Variants in MAP3K1 observed in about 807,000 individuals in gnomAD.
MAP3K1 encodes mitogen-activated protein kinase kinase kinase 1, also known as MAP/ERK kinase kinase 1.
A neutral mutation model predicts 144.2 loss-of-function variants in MAP3K1; 36 were observed. The ratio of observed to expected loss-of-function variants is 0.25; its 90% CI spans 0.19 to 0.33. The LOEUF (loss-of-function observed/expected upper bound fraction) is 0.33. Ranked by LOEUF, MAP3K1 falls within the 10% of genes least tolerant of loss-of-function variation. The pLI, the probability that MAP3K1 is intolerant of heterozygous loss-of-function variation, is 1.00. For missense variants in MAP3K1, 1,650 were observed against 1,881.9 expected (o/e 0.88, Z 2.28); for synonymous variants, 718 against 688.7 (o/e 1.04, Z -0.67).
rs832567 is a variant in MAP3K1 at position 56,856,589 on chromosome 5, C to A, written c.483-11C>A. The stretch of plus-strand genomic sequence containing the variant: ...CATTTCTCATTTTATTTGTTTCTGC[C>A]TGCATTTTAGTCGTGAGATGGAGAA... On this transcript the variant is annotated splice_polypyrimidine_tract_variant and intron_variant, in intron 1 of 19. Transcript: ENST00000399503. The A allele has an allele frequency of 0.68, 1,088,850 of 1,601,226 alleles. 380,144 individuals are homozygous for A. Among genetic ancestry groups the A allele is most frequent in the Non-Finnish European group, 0.72 (843,662 of 1,168,644 alleles).
intron 1 of MAP3K1, among the ~76,000 whole-genome samples, chr5:56,845,749 C>T (rs1198886048): frequency 6.6e-6 from 1 of 152,176 alleles, no homozygotes; most frequent in African/African-American, 2.4e-5. Context: ...AAAGGTTTTT[C>T]CTCAAGTACC....
In MAP3K1 at chr5:56,893,541, C is replaced by T. The variant is rs2111975424; in HGVS notation, c.4400C>T (p.Ala1467Val). Residue 1467 changes from alanine (A) to valine (V), a missense_variant, in exon 20 of 20, where the codon GCA becomes GTA. Physicochemically the swap from Ala to Val is moderately conservative, Grantham distance 64 (BLOSUM62 0). Transcript: ENST00000399503. ...HLALIFKIAS[A>V]TTAPSIPSHL... ...GCTTTTTCTCCACAGATTGCTAGTG[C>T]AACTACTGCTCCATCGATCCCTTCA... 6.2e-7 allele frequency: 1 copy of T among 1,613,880 alleles called. No homozygotes were observed. The highest frequency in any genetic ancestry group is 8.5e-7 in the Non-Finnish European group (1 of 1,179,822).
chr5:56,867,680 G>A (rs894466567), intron 6 of MAP3K1, among the ~76,000 whole-genome samples: 1 of 152,114 alleles, frequency 6.6e-6, no homozygotes, highest in African/African-American at 2.4e-5. Flanking sequence ...ATGTAAAGCC[G>A]TATAGCCTTT....
intron 19 of MAP3K1, among the ~76,000 whole-genome samples, chr5:56,892,326 TTGTC>T (rs1403700438): frequency 6.6e-6 from 1 of 152,160 alleles, no homozygotes; most frequent in Non-Finnish European, 1.5e-5. Context: ...ATTTGGCTGT[TTGTC>T]TGTTATTGGT....
intron 1 of MAP3K1, among the ~76,000 whole-genome samples, chr5:56,851,630 A>G (rs904432337): frequency 6.6e-6 from 1 of 151,826 alleles, no homozygotes. Context: ...GTTAAGTGCC[A>G]CTCTTCCTGC....
rs569114505 is a variant in MAP3K1, at chr5:56,884,605, T to A, written c.3820-59T>A. On this transcript the variant is annotated intron_variant, in intron 15 of 19. Coordinates refer to ENST00000399503, the MANE Select transcript of MAP3K1 (RefSeq NM_005921.2). Reference sequence around the variant, plus strand: ...AAGTGCTAGTTTGCATTTGTTCATTTTAGATCAGATTGCTAGTGAAAATAT... The same window carrying A: ...AAGTGCTAGTTTGCATTTGTTCATTATAGATCAGATTGCTAGTGAAAATAT... 2.0e-6 allele frequency: 3 copies of A among 1,533,790 alleles called. No individual in the cohort carries two copies. The African/African-American group carries it at 4.1e-5, about 21-fold the overall frequency.
chr5:56,850,508 C>CA (rs752435692), intron 1 of MAP3K1, among the ~76,000 whole-genome samples: 3 of 152,152 alleles, frequency 2.0e-5, no homozygotes, highest in Non-Finnish European at 4.4e-5. Flanking sequence ...ATCAAATCGT[C>CA]ACTGTTGTAA....
chr5:56,887,892 A>G (rs1293230052), intron 18 of MAP3K1: 1 of 437,866 alleles, frequency 2.3e-6, no homozygotes, highest in Non-Finnish European at 4.2e-6. Context: ...GAAGGAGTTT[A>G]AGCATTGTTC....
chr5:56,885,678 T>G (rs1349619824), intron 16 of MAP3K1, among the ~76,000 whole-genome samples: 1 of 152,236 alleles, frequency 6.6e-6, no homozygotes, highest in Non-Finnish European at 1.5e-5. Flanking sequence ...AATAGTTTAA[T>G]CCGAAATTGT....
intron 2 of MAP3K1, among the ~76,000 whole-genome samples, chr5:56,857,010 T>TA (rs1490079515): frequency 6.6e-6 from 1 of 152,232 alleles, no homozygotes; most frequent in Non-Finnish European, 1.5e-5. Flanking sequence ...TGTCAGTATC[T>TA]AAAATCCTTT....
chr5:56,867,654 G>A (rs1747718040), intron 6 of MAP3K1, among the ~76,000 whole-genome samples: 2 of 152,158 alleles, frequency 1.3e-5, no homozygotes, highest in South Asian at 2.1e-4. Context: ...GTTATTGTAA[G>A]CATGTGCTTG....
chr5:56,872,089 A>G (rs1240221201), intron 7 of MAP3K1, 58 bp downstream of exon 7: 32 of 1,606,750 alleles, frequency 2.0e-5, no homozygotes, highest in South Asian at 5.5e-5. Flanking sequence ...TGAGCTAACT[A>G]TGTTATTTAA....
chr5:56,841,029 C>T (rs1431370226), intron 1 of MAP3K1, among the ~76,000 whole-genome samples: 1 of 152,112 alleles, frequency 6.6e-6, no homozygotes, highest in African/African-American at 2.4e-5. Flanking sequence ...GCATGCACCA[C>T]CACGCCCAGC....
chr5:56,871,669 A>G (rs971760661), intron 6 of MAP3K1, among the ~76,000 whole-genome samples: 1 of 152,142 alleles, frequency 6.6e-6, no homozygotes, highest in African/African-American at 2.4e-5. Context: ...CAGTCTGTGT[A>G]TTGAATTGTT....
At chr5:56,821,692 C>G (rs1581204028) in intron 1 of MAP3K1, among the ~76,000 whole-genome samples, 1 of 152,134 alleles carries the variant, frequency 6.6e-6, no homozygotes, top group East Asian at 1.9e-4. Flanking sequence ...CTTTACTTTT[C>G]TTCATTGCCT....
chr5:56,892,209 T>G (rs944632767), intron 19 of MAP3K1, among the ~76,000 whole-genome samples: 1 of 152,238 alleles, frequency 6.6e-6, no homozygotes, highest in Admixed American at 6.5e-5. Flanking sequence ...TTTATTTCAT[T>G]GAGCACTGGT....
chr5:56,847,059 A>G (rs1248124216), intron 1 of MAP3K1, among the ~76,000 whole-genome samples: 1 of 152,106 alleles, frequency 6.6e-6, no homozygotes, highest in Non-Finnish European at 1.5e-5. Flanking sequence ...CTACTGCCTT[A>G]TTTTCTTTCT....
intron 10 of MAP3K1, among the ~76,000 whole-genome samples, chr5:56,878,333 C>T (rs1748102531): frequency 6.6e-6 from 1 of 152,040 alleles, no homozygotes; most frequent in African/African-American, 2.4e-5. Context: ...GATAGCATTA[C>T]AAGAAATACC....
chr5:56,818,313 C>T (rs186105911), intron 1 of MAP3K1, among the ~76,000 whole-genome samples: 4 of 151,926 alleles, frequency 2.6e-5, no homozygotes, highest in African/African-American at 9.7e-5. Flanking sequence ...GGAAAAAAAA[C>T]CCTTAATTAT....
Sources: gnomAD v4.1 joint callset for allele counts (sites outside exome capture counted in the v4.1 genomes callset) on GRCh38, gnomAD v4.1.1 for gene constraint, MANE v1.5 for transcripts, NCBI Gene and HGNC (gene_info 2026-07-23, HGNC 2026-07-21) for gene names.